DOCK1: variants seen among roughly 807,000 people sequenced by gnomAD.
DOCK1 encodes the protein dedicator of cytokinesis 1.
In DOCK1, 138 loss-of-function variants were observed where a neutral mutation model predicts 262.7. The ratio of observed to expected loss-of-function variants is 0.53; its 90% CI spans 0.46 to 0.61. The LOEUF (loss-of-function observed/expected upper bound fraction) is 0.61. Ranked by LOEUF, DOCK1 falls within the 20% of genes least tolerant of loss-of-function variation. DOCK1 has a pLI of 0.00. For synonymous variants in DOCK1, 866 were observed against 867.4 expected (o/e 1.00, Z 0.03); for missense variants, 1,908 against 2,370.7 (o/e 0.80, Z 4.05).
At chr10:127,049,913 C>A (rs2044600549) in intron 21 of DOCK1, among the ~76,000 whole-genome samples, 1 of 150,476 alleles carries the variant, frequency 6.6e-6, no homozygotes, top group Admixed American at 6.6e-5. Context: ...TCACAATAGA[C>A]CTTCGATTTT....
rs191869632 is a variant in DOCK1 at position 127,432,150 on chromosome 10, T to C, written c.4915-1133T>C. Reference sequence around the variant, plus strand: ...TGTATTCCACGATACCGGTTCCTGGTGCCAAAAAGGTTGGGGACAACTGCT... The same window carrying C: ...TGTATTCCACGATACCGGTTCCTGGCGCCAAAAAGGTTGGGGACAACTGCT... On this transcript the variant is annotated intron_variant, in intron 47 of 51. Transcript: ENST00000623213. Among the ~76,000 whole-genome samples, 302 of 152,276 alleles carry C rather than the reference T, an allele frequency of 2.0e-3. 1 individual carries two copies. Among genetic ancestry groups the C allele is most frequent in the African/African-American group, 6.9e-3 (288 of 41,572 alleles).
chr10:127,195,656 C>T (rs2057070855), intron 27 of DOCK1, among the ~76,000 whole-genome samples: 1 of 152,098 alleles, frequency 6.6e-6, no homozygotes, highest in Non-Finnish European at 1.5e-5. Flanking sequence ...CTAGGGCTGT[C>T]GGGCGCTCAC....
intron 27 of DOCK1, among the ~76,000 whole-genome samples, chr10:127,213,926 G>A (rs1373665933): frequency 6.6e-6 from 1 of 152,084 alleles, no homozygotes; most frequent in Admixed American, 6.5e-5. Context: ...TGCAAGCTCC[G>A]CCTCTGGGGT....
chr10:127,302,186 G>T (rs1265577856), intron 29 of DOCK1, among the ~76,000 whole-genome samples: 1 of 152,000 alleles, frequency 6.6e-6, no homozygotes, highest in Non-Finnish European at 1.5e-5. Flanking sequence ...GTCAGGTTTG[G>T]CCTGGCTTGG....
chr10:126,991,990 T>A (rs2039825028), intron 6 of DOCK1, among the ~76,000 whole-genome samples: 1 of 152,196 alleles, frequency 6.6e-6, no homozygotes, highest in South Asian at 2.1e-4. Context: ...TCCGGGTAAA[T>A]CAAGGAACCT....
rs10829375 is a variant in DOCK1, at chr10:127,100,879, A to G, written c.2446-5352A>G. 0.29 allele frequency among the ~76,000 whole-genome samples: 43,369 copies of G among 151,998 alleles called. 9,983 individuals carry two copies. Among genetic ancestry groups the G allele is most frequent in the African/African-American group, 0.64 (26,624 of 41,454 alleles). On this transcript the variant is annotated intron_variant, in intron 23 of 51. Transcript: ENST00000623213. This position sits in a 1 kb window ranked among gnomAD's most constrained non-coding sequence, Gnocchi z 5.5. ...GAGGGGTCGTGTGGGAAGTGGACGC[A>G]GGCCTTGCCCACACTGTGGGGTATT...
chr10:127,331,200 G>C (rs534093549), intron 29 of DOCK1, among the ~76,000 whole-genome samples: 1 of 152,202 alleles, frequency 6.6e-6, no homozygotes, highest in Non-Finnish European at 1.5e-5. Flanking sequence ...ATTAAGGAAA[G>C]GGTATACTGA....
chr10:126,974,297 A>G (rs143937271), intron 2 of DOCK1, among the ~76,000 whole-genome samples: 1 of 152,328 alleles, frequency 6.6e-6, no homozygotes, highest in African/African-American at 2.4e-5. Flanking sequence ...GGCATTGCCC[A>G]AAGTTGAGGA....
intron 29 of DOCK1, among the ~76,000 whole-genome samples, chr10:127,312,336 A>T (rs2135505554): frequency 6.6e-6 from 1 of 152,168 alleles, no homozygotes; most frequent in South Asian, 2.1e-4. Flanking sequence ...AGAGCCATGC[A>T]CTCCCCAGTG....
chr10:127,000,287 G>T lies in DOCK1; in HGVS notation c.965G>T (p.Arg322Leu). The change falls in exon 10 of 52, where the codon CGG (arginine) becomes CTG (leucine). Residue 322 changes from arginine (R) to leucine (L), a missense_variant. Arg to Leu is a moderately radical substitution (Grantham distance 102). Coordinates refer to ENST00000623213, the MANE Select transcript of DOCK1 (RefSeq NM_001290223.2). ...NNTRKLTSGLRRPFGVAVMDV... is the reference protein window; with the variant it reads ...NNTRKLTSGLLRPFGVAVMDV... ...ACCAGGAAACTGACCTCGGGGTTGC[G>T]GCGACCTTTTGGAGTGGCTGGTAAT... 1 of 1,613,966 alleles carries T rather than the reference G, an allele frequency of 6.2e-7. No homozygotes were observed. Among genetic ancestry groups the T allele is most frequent in the Non-Finnish European group, 8.5e-7 (1 of 1,179,858 alleles).
intron 29 of DOCK1, among the ~76,000 whole-genome samples, chr10:127,322,344 C>T (rs2062571559): frequency 6.7e-6 from 1 of 149,010 alleles, no homozygotes; most frequent in African/African-American, 2.6e-5. Context: ...CATGTGCCAC[C>T]ATGCCTGGAT....
At chr10:127,194,223 A>G (rs924055764) in intron 27 of DOCK1, among the ~76,000 whole-genome samples, 1 of 152,258 alleles carries the variant, frequency 6.6e-6, no homozygotes. Flanking sequence ...AATTAGTGAT[A>G]GCTGTGCTAG....
chr10:127,307,500 G>A (rs1018961960), intron 29 of DOCK1, among the ~76,000 whole-genome samples: 1 of 152,182 alleles, frequency 6.6e-6, no homozygotes, highest in African/African-American at 2.4e-5. Flanking sequence ...AGAAACAAAC[G>A]TGCTCTGCTG....
intron 15 of DOCK1, 160 bp from the exon 16 acceptor site, chr10:127,026,191 AT>A (rs2042848046): frequency 5.6e-6 from 4 of 710,226 alleles, no homozygotes; most frequent in Non-Finnish European, 6.9e-6. Context: ...TTGCAGAGGC[AT>A]TTTGTCTTTG....
intron 30 of DOCK1, among the ~76,000 whole-genome samples, chr10:127,340,486 C>T (rs955404636): frequency 1.3e-5 from 2 of 152,100 alleles, no homozygotes; most frequent in Non-Finnish European, 2.9e-5. Flanking sequence ...AACATTTATT[C>T]AGCCATTTCT....
At chr10:127,184,869 C>T (rs894349242) in intron 27 of DOCK1, among the ~76,000 whole-genome samples, 1 of 152,196 alleles carries the variant, frequency 6.6e-6, no homozygotes, top group Non-Finnish European at 1.5e-5. Context: ...CTGTCACCTT[C>T]ATTTACTCAC....
chr10:127,444,300 A>C, intron 50 of DOCK1, 21 bp downstream of exon 50: 1 of 1,578,498 alleles, frequency 6.3e-7, no homozygotes, highest in Non-Finnish European at 8.6e-7. Flanking sequence ...CGCTCCCCAC[A>C]TACGAATCGT....
intron 23 of DOCK1, among the ~76,000 whole-genome samples, chr10:127,065,855 GA>G (rs5788826): frequency 0.68 from 102,067 of 150,762 alleles, 34,738 homozygotes; most frequent in South Asian, 0.74. Flanking sequence ...ACTCCATCTC[GA>G]AAAAAAAATG....
intron 1 of DOCK1, among the ~76,000 whole-genome samples, chr10:126,943,643 A>G (rs2035182661): frequency 6.6e-6 from 1 of 152,180 alleles, no homozygotes; most frequent in Admixed American, 6.5e-5. Context: ...ACTGAAGTAG[A>G]TATGGGGGAT....
Sources: allele counts gnomAD v4.1 joint callset (sites outside exome capture counted in the v4.1 genomes callset), GRCh38; gene constraint gnomAD v4.1.1; non-coding constraint Gnocchi (gnomAD v3.1); transcripts MANE v1.5; gene names NCBI Gene and HGNC (gene_info 2026-07-23, HGNC 2026-07-21).